Variants in PCDHGA4 observed in about 807,000 individuals in gnomAD.
PCDHGA4 encodes protocadherin gamma subfamily A, 4.
PCDHGA4 carries 38 observed loss-of-function variants against 54.6 expected under a neutral mutation model. The ratio of observed to expected loss-of-function variants is 0.70; its 90% CI spans 0.54 to 0.91. The LOEUF is 0.91. Among genes scored for constraint, PCDHGA4 ranks in the 40% least tolerant of loss-of-function variants. The probability of loss-of-function intolerance (pLI) is 0.00; values close to 1 mark genes in which losing one functional copy is unlikely to be tolerated. For missense variants in PCDHGA4, 1,298 were observed against 1,220.9 expected (o/e 1.06, Z -0.94); for synonymous variants, 511 against 512.9 (o/e 1.00, Z 0.05).
chr5:141,429,374 TG>T (rs2097206438), intron 1 of PCDHGA4, among the ~76,000 whole-genome samples: 1 of 145,410 alleles, frequency 6.9e-6, no homozygotes, highest in South Asian at 2.2e-4. Context: ...ATGGAGAAAA[TG>T]TGTTTTTTTT....
intron 1 of PCDHGA4, chr5:141,407,937 C>G: frequency 2.0e-6 from 1 of 511,428 alleles, no homozygotes; most frequent in Non-Finnish European, 3.3e-6. Context: ...AGCCTCTGGG[C>G]GCCGCTGTCG....
chr5:141,361,168 C>T, intron 1 of PCDHGA4: 2 of 1,613,906 alleles, frequency 1.2e-6, no homozygotes, highest in Non-Finnish European at 1.7e-6. Context: ...CGATTGTGCA[C>T]CTGAAGTTAT....
At chr5:141,394,799 A>G in intron 1 of PCDHGA4, 5 of 1,613,808 alleles carry the variant, frequency 3.1e-6, no homozygotes, top group Admixed American at 1.7e-5. Context: ...CGCTCACCGT[A>G]GCCGTGGCTG....
At chr5:141,427,857 G>T (rs746661329) in intron 1 of PCDHGA4, 2 of 1,554,576 alleles carry the variant, frequency 1.3e-6, no homozygotes, top group Admixed American at 3.3e-5. Flanking sequence ...GCAGCTGTGC[G>T]CCTTCGAGCT....
chr5:141,489,641 C>T lies in PCDHGA4; in HGVS notation c.2515-5166C>T, dbSNP rs1356716387. On this transcript the variant is annotated intron_variant, in intron 1 of 3. Coordinates refer to ENST00000571252, the MANE Select transcript of PCDHGA4 (RefSeq NM_018917.4). This position sits in a 1 kb window ranked among gnomAD's most constrained non-coding sequence, Gnocchi z 4.5. The stretch of plus-strand genomic sequence containing the variant: ...CTCAATGACAACTCTCCTAGCTTTG[C>T]CACCCCTGAGCGAGAGATGCGCATC... The T allele has an allele frequency of 2.5e-6, 4 of 1,614,008 alleles. No individual in the cohort carries two copies. The highest frequency in any genetic ancestry group is 3.4e-6 in the Non-Finnish European group (4 of 1,180,012).
chr5:141,498,703 G>A (rs961006063), intron 2 of PCDHGA4, among the ~76,000 whole-genome samples: 7 of 152,228 alleles, frequency 4.6e-5, no homozygotes, highest in Non-Finnish European at 8.8e-5. Flanking sequence ...AGGCTGAGGT[G>A]GGTGGATCAC....
chr5:141,441,768 T>C, intron 1 of PCDHGA4: 1 of 387,074 alleles, frequency 2.6e-6, no homozygotes. Context: ...CCTGCGCGTG[T>C]TGGTGGACGA....
In PCDHGA4 at chr5:141,489,720, G is replaced by A. The variant is rs560729125; in HGVS notation, c.2515-5087G>A. ...TCCCACTGGACAGTGCCCAGGATCC[G>A]GATGTGGGCACCAATACTGTGAGCT... On this transcript the variant is annotated intron_variant, in intron 1 of 3. Transcript: ENST00000571252. The surrounding 1 kb of genome is among the most constrained non-coding windows in gnomAD (Gnocchi z 4.5). The A allele has an allele frequency of 3.2e-5, 51 of 1,614,200 alleles. No individual in the cohort carries two copies. The highest frequency in any genetic ancestry group is 9.3e-5 in the African/African-American group (7 of 75,048).
rs1036281905 is a variant in PCDHGA4 at position 141,493,555 on chromosome 5, T to A, written c.2515-1252T>A. Among the ~76,000 whole-genome samples, 3 of 152,012 alleles carry A rather than the reference T, an allele frequency of 2.0e-5. No individual in the cohort carries two copies. ...GCCAGTTATCCTTTTGGAGATTGAG[T>A]TCCCCCAGCTCCGTTTCCTCCTATC... On this transcript the variant is annotated intron_variant, in intron 1 of 3. Transcript: ENST00000571252. The surrounding 1 kb of genome is among the most constrained non-coding windows in gnomAD (Gnocchi z 4.3).
At chr5:141,383,189 C>A (rs1588938013) in intron 1 of PCDHGA4, 1 of 1,614,068 alleles carries the variant, frequency 6.2e-7, no homozygotes, top group Non-Finnish European at 8.5e-7. Context: ...GAGATCTGCG[C>A]TCAGAGTGCG....
At chr5:141,384,819 G>C (rs1251597245) in intron 1 of PCDHGA4, 2 of 1,613,524 alleles carry the variant, frequency 1.2e-6, no homozygotes, top group African/African-American at 1.3e-5. Flanking sequence ...CCCTCAAGCA[G>C]AGCCTCGTGG....
intron 2 of PCDHGA4, among the ~76,000 whole-genome samples, chr5:141,496,467 TC>T (rs1289225541): frequency 1.3e-5 from 2 of 152,176 alleles, no homozygotes; most frequent in Admixed American, 1.3e-4. Flanking sequence ...GAGTTATCTT[TC>T]CCCCATCCTG....
chr5:141,510,847 A>C (rs1279701390), intron 3 of PCDHGA4, 100 bp from the exon 4 acceptor site: 1 of 1,595,232 alleles, frequency 6.3e-7, no homozygotes, highest in Non-Finnish European at 8.6e-7. Context: ...GTCAAGGCCC[A>C]GGGTGCTGTA....
intron 1 of PCDHGA4, among the ~76,000 whole-genome samples, chr5:141,439,050 A>G (rs1353548752): frequency 1.3e-5 from 2 of 151,164 alleles, no homozygotes; most frequent in Non-Finnish European, 2.9e-5. Flanking sequence ...TAAGATTTCC[A>G]TATTGTGTGG....
In PCDHGA4 at chr5:141,404,306, T is replaced by C. The variant is rs200297928; in HGVS notation, c.2514+46685T>C. 1,450 of 1,613,824 alleles carry C rather than the reference T, an allele frequency of 9.0e-4. 2 individuals carry two copies. Among genetic ancestry groups the C allele is most frequent in the Admixed American group, 2.4e-3 (143 of 60,004 alleles). ...TGACATCAATGATAATCCACCTGCT[T>C]TCTCTCAAGCCTCCTACTCAGTCTA... On this transcript the variant is annotated intron_variant, in intron 1 of 3. Coordinates refer to ENST00000571252, the MANE Select transcript of PCDHGA4 (RefSeq NM_018917.4).
chr5:141,427,034 A>G (rs762633589), intron 1 of PCDHGA4: 7 of 457,110 alleles, frequency 1.5e-5, no homozygotes, highest in Non-Finnish European at 2.6e-5. Flanking sequence ...TCAGCCTTAG[A>G]GAGAATGTGC....
chr5:141,371,774 T>A, intron 1 of PCDHGA4: 1 of 1,614,000 alleles, frequency 6.2e-7, no homozygotes, highest in Non-Finnish European at 8.5e-7. Flanking sequence ...ACACCGTGCA[T>A]GTAGCTGAGA....
intron 1 of PCDHGA4, chr5:141,389,415 G>A (rs915246049): frequency 1.9e-6 from 3 of 1,613,598 alleles, no homozygotes; most frequent in Non-Finnish European, 2.5e-6. Context: ...GGAGAGCGGG[G>A]TGGTGTTCGC....
intron 1 of PCDHGA4, among the ~76,000 whole-genome samples, chr5:141,449,891 A>G (rs2098658520): frequency 6.6e-6 from 1 of 151,872 alleles, no homozygotes; most frequent in Non-Finnish European, 1.5e-5. Flanking sequence ...CAATATAATT[A>G]TTTAGCCTAT....
Sources: allele counts gnomAD v4.1 joint callset (sites outside exome capture counted in the v4.1 genomes callset), GRCh38; gene constraint gnomAD v4.1.1; non-coding constraint Gnocchi (gnomAD v3.1); transcripts MANE v1.5; gene names NCBI Gene and HGNC (gene_info 2026-07-23, HGNC 2026-07-21).